Variants in ZSCAN5A observed in about 807,000 individuals in gnomAD.
ZSCAN5A encodes the protein zinc finger and SCAN domain-containing protein 5A.
Under a neutral mutation model 23.7 loss-of-function variants are expected in ZSCAN5A, and 12 were observed. The ratio of observed to expected loss-of-function variants is 0.51; its 90% CI spans 0.32 to 0.82. The LOEUF is 0.82. Among genes scored for constraint, ZSCAN5A ranks in the 40% least tolerant of loss-of-function variants. ZSCAN5A has a pLI of 0.03. For synonymous variants in ZSCAN5A, 257 were observed against 239.9 expected, an observed-to-expected ratio of 1.07 and a Z score of -0.66; for missense variants, 597 against 617.9, an observed-to-expected ratio of 0.97 and a Z score of 0.36.
At chr19:56,361,555 G>A (rs2041733473) in intron 2 of ZSCAN5A, among the ~76,000 whole-genome samples, 1 of 152,120 alleles carries the variant, frequency 6.6e-6, no homozygotes, top group Admixed American at 6.5e-5. Context: ...GTCCTTTGCA[G>A]GGACATGGAT....
chr19:56,273,253 C>T (rs1168833208), intron 2 of ZSCAN5A, among the ~76,000 whole-genome samples: 12 of 152,284 alleles, frequency 7.9e-5, no homozygotes, highest in Non-Finnish European at 1.6e-4. Context: ...ATGTCATTGA[C>T]GAGCTTACGT....
chr19:56,342,756 C>A (rs1229507715), intron 2 of ZSCAN5A: 1 of 689,042 alleles, frequency 1.5e-6, no homozygotes, highest in East Asian at 2.5e-5. Flanking sequence ...TCATCCAAGG[C>A]CAACCATCCC....
intron 2 of ZSCAN5A, chr19:56,266,592 G>C (rs1600133824): frequency 7.0e-6 from 1 of 143,124 alleles, no homozygotes; most frequent in African/African-American, 2.6e-5. Context: ...CAATTCTTCT[G>C]CCTCAGCCTC....
Position 56,221,474 on chromosome 19 carries a change from G to T in ZSCAN5A, c.*101C>A. On this transcript the variant is annotated 3_prime_UTR_variant, in exon 6 of 6. Coordinates refer to ENST00000683990, the MANE Select transcript of ZSCAN5A (RefSeq NM_001322064.3). ...TTCATATCTAGGGCACTCCCTCTGT[G>T]TGTCAGACGCCCTTGCATGTGTCAA... The T allele has an allele frequency of 7.0e-7, 1 of 1,421,708 alleles. No individual in the cohort carries two copies. The highest frequency in any genetic ancestry group is 9.5e-7 in the Non-Finnish European group (1 of 1,053,160). The allele number at this position is 1,421,708 out of a possible 1,614,324, so 88.1% of individuals were successfully genotyped here. A position where few individuals can be genotyped will look rare whatever the true frequency, so the allele number is the denominator to read the frequency against.
intron 2 of ZSCAN5A, among the ~76,000 whole-genome samples, chr19:56,309,778 C>T (rs545677602): frequency 8.5e-5 from 13 of 152,198 alleles, no homozygotes; most frequent in Non-Finnish European, 1.2e-4. Flanking sequence ...TCAGGCCCGG[C>T]GCCGGGACAG....
At chr19:56,284,942 T>C (rs2038993354) in intron 2 of ZSCAN5A, 1 of 897,848 alleles carries the variant, frequency 1.1e-6, no homozygotes, top group African/African-American at 1.8e-5. Flanking sequence ...ATCCATTAAT[T>C]AGGCATATTT....
intron 2 of ZSCAN5A, chr19:56,347,930 T>C (rs893897194): frequency 6.6e-6 from 1 of 152,194 alleles, no homozygotes; most frequent in Non-Finnish European, 1.5e-5. Flanking sequence ...ATCCCCAAGG[T>C]GCATCTGCTA....
chr19:56,254,989 G>A (rs939271673), intron 2 of ZSCAN5A, among the ~76,000 whole-genome samples: 14 of 152,124 alleles, frequency 9.2e-5, no homozygotes, highest in African/African-American at 3.1e-4. Flanking sequence ...TCCATTGGTT[G>A]CTTTCACTCT....
At chr19:56,328,957 T>C (rs1422055264) in intron 2 of ZSCAN5A, among the ~76,000 whole-genome samples, 1 of 145,056 alleles carries the variant, frequency 6.9e-6, no homozygotes, top group African/African-American at 2.6e-5. Context: ...ATGGCGCCAC[T>C]GCACTCCAGC....
rs1238972633 is a variant in ZSCAN5A, at chr19:56,277,648, C to A, written c.-128+35635G>T. On this transcript the variant is annotated intron_variant, in intron 2 of 5. Transcript: ENST00000683990. ...GTACAAGTCTGAGTATCCTACAAAC[C>A]ACTGAAATGGGTGAATTGCATGGTA... 3.9e-5 allele frequency among the ~76,000 whole-genome samples: 6 copies of A among 152,018 alleles called. No individual in the cohort carries two copies. The East Asian group carries it at 1.2e-3, about 29-fold the overall frequency.
At chr19:56,330,140 G>A (rs58615070) in intron 2 of ZSCAN5A, among the ~76,000 whole-genome samples, 2 of 152,142 alleles carry the variant, frequency 1.3e-5, no homozygotes, top group African/African-American at 4.8e-5. Context: ...TACCTGCATC[G>A]ATGTCACTGC....
intron 2 of ZSCAN5A, among the ~76,000 whole-genome samples, chr19:56,262,485 G>C (rs1237575981): frequency 1.3e-5 from 2 of 150,770 alleles, no homozygotes; most frequent in Non-Finnish European, 2.9e-5. Flanking sequence ...GCAATGGCAT[G>C]ATCTTGGCTC....
intron 2 of ZSCAN5A, among the ~76,000 whole-genome samples, chr19:56,290,081 T>C (rs1026467963): frequency 6.6e-6 from 1 of 152,210 alleles, no homozygotes; most frequent in Non-Finnish European, 1.5e-5. Context: ...AACTGGCTAA[T>C]TATCTGAAAC....
intron 2 of ZSCAN5A, among the ~76,000 whole-genome samples, chr19:56,251,149 A>C (rs371552465): frequency 3.3e-4 from 18 of 55,170 alleles, no homozygotes; most frequent in Middle Eastern, 0.01. Flanking sequence ...GACTCCGTGT[A>C]AAAAAAAAAA....
At chr19:56,361,469 T>C (rs1221893398) in intron 2 of ZSCAN5A, among the ~76,000 whole-genome samples, 2 of 152,160 alleles carry the variant, frequency 1.3e-5, no homozygotes, top group Non-Finnish European at 2.9e-5. Context: ...TGCCCATCAG[T>C]GATAGACTGG....
chr19:56,241,559 C>T (rs974306942), intron 2 of ZSCAN5A, among the ~76,000 whole-genome samples: 3 of 152,210 alleles, frequency 2.0e-5, no homozygotes, highest in African/African-American at 4.8e-5. Context: ...TATTCACATG[C>T]CTTACTTTAT....
At chr19:56,243,092 C>G (rs8110092) in intron 2 of ZSCAN5A, among the ~76,000 whole-genome samples, 2 of 151,812 alleles carry the variant, frequency 1.3e-5, no homozygotes, top group African/African-American at 4.8e-5. Flanking sequence ...AAAAATCTAT[C>G]GTATTATTTC....
At chr19:56,257,550 A>C in intron 2 of ZSCAN5A, among the ~76,000 whole-genome samples, 1 of 150,018 alleles carries the variant, frequency 6.7e-6, no homozygotes, top group East Asian at 2.0e-4. Context: ...TCTTAGACAC[A>C]GGCGCCGGGG....
intron 2 of ZSCAN5A, chr19:56,283,948 C>A (rs536775018): frequency 1.3e-5 from 2 of 152,362 alleles, no homozygotes; most frequent in Non-Finnish European, 2.9e-5. Context: ...ACTTTGGACG[C>A]TCTTCCCTGC....
Sources: allele counts gnomAD v4.1 joint callset (sites outside exome capture counted in the v4.1 genomes callset), GRCh38; gene constraint gnomAD v4.1.1; transcripts MANE v1.5; gene names NCBI Gene and HGNC (gene_info 2026-07-23, HGNC 2026-07-21).